The following TRIM36 variants were observed in gnomAD, a reference collection of about 807,000 sequenced individuals.
TRIM36 encodes E3 ubiquitin-protein ligase TRIM36.
A neutral mutation model predicts 72.4 loss-of-function variants in TRIM36; 42 were observed. The ratio of observed to expected loss-of-function variants is 0.58; its 90% CI spans 0.45 to 0.75. TRIM36 has a LOEUF of 0.75. Ranked by LOEUF, TRIM36 falls within the 30% of genes least tolerant of loss-of-function variation. TRIM36 has a pLI of 0.00. For missense variants in TRIM36, 913 were observed against 857.1 expected, an observed-to-expected ratio of 1.07 and a Z score of -0.81; for synonymous variants, 315 against 282.8, an observed-to-expected ratio of 1.11 and a Z score of -1.14.
At chr5:115,129,986 A>G (rs1027460359) in intron 9 of TRIM36, among the ~76,000 whole-genome samples, 3 of 152,188 alleles carry the variant, frequency 2.0e-5, no homozygotes, top group Non-Finnish European at 4.4e-5. Context: ...AGCATTATAT[A>G]AATTTTTTAT....
chr5:115,148,324 G>T lies in TRIM36; in HGVS notation c.263-930C>A, dbSNP rs749846462. On this transcript the variant is annotated intron_variant, in intron 2 of 9. Coordinates refer to ENST00000513154, the MANE Select transcript of TRIM36 (RefSeq NM_001300759.2). ...TTAATAAATCAAGAAACCAATGCATGACAGTCCTTACCCATTGGTTCACAG... is the reference window on the plus strand; with the variant it reads ...TTAATAAATCAAGAAACCAATGCATTACAGTCCTTACCCATTGGTTCACAG... 3.0e-6 allele frequency: 3 copies of T among 983,704 alleles called. No homozygotes were observed. In the African/African-American group the frequency reaches 5.3e-5, roughly 17 times the overall value. 60.9% of individuals were successfully genotyped at this position (983,704 alleles called of 1,614,324 possible).
intron 2 of TRIM36, among the ~76,000 whole-genome samples, chr5:115,155,915 C>T (rs1229196687): frequency 6.6e-6 from 1 of 152,112 alleles, no homozygotes; most frequent in Non-Finnish European, 1.5e-5. Flanking sequence ...CTAAAGCCTC[C>T]TCCAGAAAGC....
chr5:115,162,336 A>G (rs1209601679), intron 2 of TRIM36, among the ~76,000 whole-genome samples: 2 of 152,206 alleles, frequency 1.3e-5, no homozygotes, highest in East Asian at 3.8e-4. Context: ...CAAAAGACAA[A>G]TGCCATTATT....
chr5:115,139,052 C>T lies in TRIM36; in HGVS notation c.832-1436G>A, dbSNP rs552800657. On this transcript the variant is annotated intron_variant, in intron 5 of 9. Transcript: ENST00000513154. The stretch of plus-strand genomic sequence containing the variant: ...GCCAGGATGGTCTTGATCTCCTGAC[C>T]TCATGATCTGCCTGCCTCGGCCTCT... 2.0e-5 allele frequency among the ~76,000 whole-genome samples: 3 copies of T among 152,086 alleles called. No homozygotes were observed. In the South Asian group the frequency reaches 6.2e-4, roughly 32 times the overall value.
intron 1 of TRIM36, among the ~76,000 whole-genome samples, chr5:115,179,202 C>A (rs1755491346): frequency 6.6e-6 from 1 of 152,182 alleles, no homozygotes; most frequent in South Asian, 2.1e-4. Flanking sequence ...GAGCTTCTGC[C>A]GGCAATTTCT....
At chr5:115,179,155 C>T (rs1027257239) in intron 1 of TRIM36, among the ~76,000 whole-genome samples, 4 of 152,218 alleles carry the variant, frequency 2.6e-5, no homozygotes, top group Admixed American at 2.0e-4. Flanking sequence ...GTGCAGCCTC[C>T]GTACTTCCCG....
chr5:115,147,793 C>G (rs1561432968), intron 2 of TRIM36, among the ~76,000 whole-genome samples: 1 of 152,128 alleles, frequency 6.6e-6, no homozygotes, highest in Admixed American at 6.5e-5. Flanking sequence ...TCTTTGCTGA[C>G]TGACAGGAAA....
intron 1 of TRIM36, chr5:115,179,933 G>T: frequency 6.3e-7 from 1 of 1,592,164 alleles, no homozygotes; most frequent in South Asian, 1.1e-5. Context: ...TAGTGCCGGA[G>T]TCGGGGGCCC....
chr5:115,148,513 G>GCAATTCT (rs1313852433), intron 2 of TRIM36, among the ~76,000 whole-genome samples: 1 of 143,294 alleles, frequency 7.0e-6, no homozygotes, highest in Non-Finnish European at 1.5e-5. Context: ...CCAGGTTCAA[G>GCAATTCT]CAATTCTCTG....
chr5:115,170,209 G>A (rs1755035836), upstream of TRIM36, among the ~76,000 whole-genome samples: 1 of 151,736 alleles, frequency 6.6e-6, no homozygotes. Context: ...GAACGGAAGT[G>A]AGGGCAGCGG....
chr5:115,163,417 ACT>A, intron 2 of TRIM36, 99 bp downstream of exon 2: 1 of 971,088 alleles, frequency 1.0e-6, no homozygotes, highest in East Asian at 2.5e-5. Context: ...GGAAAAATTA[ACT>A]CTCAAGATGA....
At chr5:115,132,141 A>G (rs1199609169) in intron 8 of TRIM36, among the ~76,000 whole-genome samples, 1 of 151,824 alleles carries the variant, frequency 6.6e-6, no homozygotes, top group African/African-American at 2.4e-5. Context: ...GTTTGAGGCC[A>G]GCAAAGGCAA....
At chr5:115,154,106 T>C (rs760023732) in intron 2 of TRIM36, among the ~76,000 whole-genome samples, 4 of 151,452 alleles carry the variant, frequency 2.6e-5, no homozygotes, top group Non-Finnish European at 4.4e-5. Context: ...AAAATGAAAT[T>C]AAGATGAAAT....
upstream of TRIM36, among the ~76,000 whole-genome samples, chr5:115,172,420 A>G (rs1451013556): frequency 6.6e-6 from 1 of 151,460 alleles, no homozygotes; most frequent in Admixed American, 6.6e-5. Flanking sequence ...AGCAGTTAAA[A>G]TCAATGTACT....
Position 115,125,468 on chromosome 5 carries a change from G to T in TRIM36, c.*1035C>A, listed in dbSNP as rs114674509. ...TTATTACCAATGAGAAACAGAAAAT[G>T]CCACATAAGTGAACATTTAAATGTT... On this transcript the variant is annotated 3_prime_UTR_variant, in exon 10 of 10. Transcript: ENST00000513154. 3.6e-3 allele frequency: 540 copies of T among 152,068 alleles called. 3 individuals carry two copies. The highest frequency in any genetic ancestry group is 0.012 in the African/African-American group (504 of 41,534). The allele number at this position is 152,068 out of a possible 1,614,324, so 9.4% of individuals were successfully genotyped here. A position where few individuals can be genotyped will look rare whatever the true frequency, so the allele number is the denominator to read the frequency against.
chr5:115,171,157 T>C (rs779337997), upstream of TRIM36: 8 of 1,614,248 alleles, frequency 5.0e-6, no homozygotes, highest in Non-Finnish European at 5.9e-6. Flanking sequence ...AGTCTGTCGC[T>C]GTGGCAAGTT....
intron 8 of TRIM36, 91 bp from the exon 9 acceptor site, chr5:115,130,980 G>A: frequency 7.1e-7 from 1 of 1,414,048 alleles, no homozygotes; most frequent in Non-Finnish European, 9.4e-7. Context: ...AATTACTGAA[G>A]AGAGACAGGA....
chr5:115,158,442 CAAAG>C (rs1754302859), intron 2 of TRIM36, among the ~76,000 whole-genome samples: 1 of 152,146 alleles, frequency 6.6e-6, no homozygotes, highest in Non-Finnish European at 1.5e-5. Flanking sequence ...TATTTCAAAA[CAAAG>C]AGAAGAGAGT....
intron 7 of TRIM36, among the ~76,000 whole-genome samples, chr5:115,136,718 C>T (rs1239460480): frequency 1.3e-5 from 2 of 152,248 alleles, no homozygotes; most frequent in African/African-American, 2.4e-5. Context: ...CATATATTTA[C>T]AAGTATTTAT....
Sources: gnomAD v4.1 joint callset for allele counts (sites outside exome capture counted in the v4.1 genomes callset) on GRCh38, gnomAD v4.1.1 for gene constraint, MANE v1.5 for transcripts, NCBI Gene and HGNC (gene_info 2026-07-23, HGNC 2026-07-21) for gene names.